TBC1D19: variants seen among roughly 807,000 people sequenced by gnomAD.
TBC1D19 encodes TBC1 domain family, member 19.
In TBC1D19, 60 loss-of-function variants were observed where a neutral mutation model predicts 89.0. That is an observed-to-expected ratio of 0.67 (90% CI 0.55 to 0.84). TBC1D19 has a LOEUF of 0.84. Among genes scored for constraint, TBC1D19 ranks in the 40% least tolerant of loss-of-function variants. The pLI is 0.00. For missense variants in TBC1D19, 500 were observed against 610.8 expected, an observed-to-expected ratio of 0.82 and a Z score of 1.91; for synonymous variants, 189 against 199.7, an observed-to-expected ratio of 0.95 and a Z score of 0.45.
intron 13 of TBC1D19, among the ~76,000 whole-genome samples, chr4:26,695,519 A>G (rs903701784): frequency 1.3e-5 from 2 of 152,136 alleles, no homozygotes; most frequent in Non-Finnish European, 2.9e-5. Flanking sequence ...TGCCACAAAG[A>G]TACACCTCGA....
the TBC1D19 span, among the ~76,000 whole-genome samples, chr4:26,787,528 G>A: frequency 2.0e-5 from 3 of 152,200 alleles, no homozygotes; most frequent in African/African-American, 4.8e-5. Context: ...GGTCTCTGAC[G>A]AAAGGGCAGC....
At chr4:26,646,498 A>G (rs1743968133) in intron 7 of TBC1D19, among the ~76,000 whole-genome samples, 1 of 152,204 alleles carries the variant, frequency 6.6e-6, no homozygotes, top group Non-Finnish European at 1.5e-5. Flanking sequence ...TGCCACTATA[A>G]AGATACATGC....
In TBC1D19 at chr4:26,688,332, C is replaced by T. The variant is rs756989737; in HGVS notation, c.892-13C>T. 3 of 1,568,580 alleles carry T rather than the reference C, an allele frequency of 1.9e-6. No homozygotes were observed. In the East Asian group the frequency reaches 7.0e-5, roughly 37 times the overall value. ...TTTGAGTTCTTTTCAGTACTGTCTA[C>T]TTTTAATTATAGGATGTGAAGTTGA... On this transcript the variant is annotated splice_polypyrimidine_tract_variant and intron_variant, in intron 12 of 20. Transcript: ENST00000264866.
At chr4:26,662,386 A>C (rs954112156) in intron 8 of TBC1D19, among the ~76,000 whole-genome samples, 8 of 152,232 alleles carry the variant, frequency 5.3e-5, no homozygotes, top group African/African-American at 1.9e-4. Context: ...AGCTGAGGAA[A>C]TCTTTATCAG....
chr4:26,781,949 C>A, the TBC1D19 span, among the ~76,000 whole-genome samples: 2 of 152,046 alleles, frequency 1.3e-5, no homozygotes, highest in Admixed American at 1.3e-4. Context: ...AAAAAATATA[C>A]CTTTATAGCA....
At chr4:26,716,449 T>A (rs1468349921) in intron 13 of TBC1D19, among the ~76,000 whole-genome samples, 9 of 152,040 alleles carry the variant, frequency 5.9e-5, no homozygotes. Context: ...ACCAGACAGG[T>A]GGTCCAGTTT....
At chr4:26,765,116 G>T in the TBC1D19 span, among the ~76,000 whole-genome samples, 1 of 152,156 alleles carries the variant, frequency 6.6e-6, no homozygotes, top group Admixed American at 6.6e-5. Context: ...CCCTGAGAAT[G>T]AGGAGGAAAG....
At chr4:26,665,346 T>G (rs1008800620) in intron 8 of TBC1D19, among the ~76,000 whole-genome samples, 20 of 152,148 alleles carry the variant, frequency 1.3e-4, no homozygotes, top group Non-Finnish European at 2.8e-4. Context: ...TTAGTAAGGA[T>G]TAAAACTAAT....
the TBC1D19 span, chr4:26,857,958 A>T: frequency 6.6e-6 from 1 of 152,264 alleles, no homozygotes; most frequent in Admixed American, 6.5e-5. Flanking sequence ...CGATGCGTTT[A>T]TCCTAAGCCA....
intron 16 of TBC1D19, among the ~76,000 whole-genome samples, chr4:26,738,187 A>G (rs1430621958): frequency 6.6e-6 from 1 of 151,470 alleles, no homozygotes; most frequent in Non-Finnish European, 1.5e-5. Context: ...CAACTGTGGT[A>G]TCTTGAATAA....
At chr4:26,761,376 A>G in the TBC1D19 span, among the ~76,000 whole-genome samples, 1 of 152,146 alleles carries the variant, frequency 6.6e-6, no homozygotes, top group Non-Finnish European at 1.5e-5. Flanking sequence ...CTTTAATTTT[A>G]CTCAGTAATA....
intron 1 of TBC1D19, among the ~76,000 whole-genome samples, chr4:26,588,772 T>C (rs1022932445): frequency 2.0e-5 from 3 of 152,242 alleles, no homozygotes; most frequent in Non-Finnish European, 4.4e-5. Context: ...ATTTTAGCTG[T>C]TTACTTACTT....
downstream of TBC1D19, among the ~76,000 whole-genome samples, chr4:26,761,152 T>A (rs1719445356): frequency 6.6e-6 from 1 of 152,246 alleles, no homozygotes; most frequent in South Asian, 2.1e-4. Context: ...GTCCTCTAAC[T>A]TTATTCACGT....
chr4:26,835,094 T>C, the TBC1D19 span, among the ~76,000 whole-genome samples: 1 of 152,210 alleles, frequency 6.6e-6, no homozygotes, highest in Non-Finnish European at 1.5e-5. Context: ...TTGGCAAATG[T>C]GAATAAGTTA....
chr4:26,787,963 G>T, the TBC1D19 span, among the ~76,000 whole-genome samples: 2 of 152,150 alleles, frequency 1.3e-5, no homozygotes, highest in African/African-American at 2.4e-5. Context: ...AGAAACTCTC[G>T]GCTGACAGTT....
At chr4:26,630,400 T>A (rs1447956285) in intron 4 of TBC1D19, among the ~76,000 whole-genome samples, 1 of 152,106 alleles carries the variant, frequency 6.6e-6, no homozygotes, top group Admixed American at 6.6e-5. Flanking sequence ...GCTTTGAATT[T>A]ATTTTGTAAG....
the TBC1D19 span, among the ~76,000 whole-genome samples, chr4:26,845,125 A>G: frequency 3.3e-5 from 5 of 152,222 alleles, no homozygotes; most frequent in African/African-American, 4.8e-5. Context: ...AAGGTGGTGG[A>G]GATGAGATAG....
chr4:26,605,516 G>A (rs1196458964), intron 1 of TBC1D19, among the ~76,000 whole-genome samples: 1 of 151,958 alleles, frequency 6.6e-6, no homozygotes, highest in Non-Finnish European at 1.5e-5. Context: ...GAAAACATAC[G>A]TGTGCATGTG....
At chr4:26,848,033 C>T in the TBC1D19 span, among the ~76,000 whole-genome samples, 3 of 152,174 alleles carry the variant, frequency 2.0e-5, no homozygotes, top group African/African-American at 4.8e-5. Context: ...CTCTCAGCTG[C>T]AGTAACGGAT....
Sources: gnomAD v4.1 joint callset for allele counts (sites outside exome capture counted in the v4.1 genomes callset) on GRCh38, gnomAD v4.1.1 for gene constraint, MANE v1.5 for transcripts, NCBI Gene and HGNC (gene_info 2026-07-23, HGNC 2026-07-21) for gene names.